ATP8A2: variants seen among roughly 807,000 people sequenced by gnomAD.
ATP8A2 encodes the protein ATPase phospholipid transporting 8A2.
A neutral mutation model predicts 165.6 loss-of-function variants in ATP8A2; 100 were observed. The ratio of observed to expected loss-of-function variants is 0.60; its 90% CI spans 0.51 to 0.71. The LOEUF (loss-of-function observed/expected upper bound fraction) is 0.71. Ranked by LOEUF, ATP8A2 falls within the 30% of genes least tolerant of loss-of-function variation. The pLI, the probability that ATP8A2 is intolerant of heterozygous loss-of-function variation, is 0.00. For missense variants in ATP8A2, 1,227 were observed against 1,479.5 expected, an observed-to-expected ratio of 0.83 and a Z score of 2.80; for synonymous variants, 543 against 548.8, an observed-to-expected ratio of 0.99 and a Z score of 0.15.
At chr13:25,384,054 C>T (rs955763206) in intron 1 of ATP8A2, among the ~76,000 whole-genome samples, 8 of 152,142 alleles carry the variant, frequency 5.3e-5, no homozygotes, top group Admixed American at 2.0e-4. Flanking sequence ...TCCCTAAAAA[C>T]GCTTTCATGT....
At chr13:25,426,931 A>G (rs143900304) in intron 1 of ATP8A2, among the ~76,000 whole-genome samples, 3,330 of 152,204 alleles carry the variant, frequency 0.022, 124 homozygotes, top group African/African-American at 0.075. Flanking sequence ...GGGTGACAGA[A>G]CCAGACTCCC....
At chr13:25,623,570 A>G (rs1456387487) in intron 24 of ATP8A2, among the ~76,000 whole-genome samples, 2 of 152,196 alleles carry the variant, frequency 1.3e-5, no homozygotes, top group South Asian at 4.1e-4. Flanking sequence ...ATCACCAAAT[A>G]CGTGTTTTGA....
chr13:25,824,430 A>T (rs1216877409), intron 27 of ATP8A2, among the ~76,000 whole-genome samples: 4 of 152,208 alleles, frequency 2.6e-5, no homozygotes, highest in African/African-American at 4.8e-5. Flanking sequence ...AGTCTCACCA[A>T]GAATGTTTGA....
intron 27 of ATP8A2, among the ~76,000 whole-genome samples, chr13:25,804,619 C>T (rs1237875309): frequency 1.3e-5 from 2 of 152,254 alleles, no homozygotes; most frequent in Non-Finnish European, 2.9e-5. Flanking sequence ...ATAGAAGTGT[C>T]TTTAAAGATG....
At chr13:25,880,026 G>T (rs998557312) in intron 33 of ATP8A2, among the ~76,000 whole-genome samples, 4 of 152,212 alleles carry the variant, frequency 2.6e-5, no homozygotes, top group African/African-American at 9.6e-5. Context: ...AAAAAGGTAG[G>T]TGGTGAAGAA....
At chr13:25,519,451 T>C (rs9581369) in intron 2 of ATP8A2, among the ~76,000 whole-genome samples, 9,027 of 152,160 alleles carry the variant, frequency 0.059, 338 homozygotes, top group South Asian at 0.13. Context: ...TGGTTCCCTT[T>C]AGTATCTCCG....
intron 25 of ATP8A2, among the ~76,000 whole-genome samples, chr13:25,753,485 T>C (rs1190781181): frequency 6.6e-6 from 1 of 152,218 alleles, no homozygotes; most frequent in Admixed American, 6.5e-5. Flanking sequence ...AATCTCATTC[T>C]AGTGCGGTAG....
chr13:25,867,514 G>T (rs1227569461), intron 33 of ATP8A2, among the ~76,000 whole-genome samples: 1 of 152,134 alleles, frequency 6.6e-6, no homozygotes, highest in South Asian at 2.1e-4. Flanking sequence ...GGTCAGGAGA[G>T]GACTTGTTTT....
intron 2 of ATP8A2, among the ~76,000 whole-genome samples, chr13:25,492,537 G>A (rs957910439): frequency 1.3e-5 from 2 of 152,170 alleles, no homozygotes; most frequent in Non-Finnish European, 2.9e-5. Flanking sequence ...ATCACAAGAT[G>A]CCCAGCCTTG....
chr13:25,374,263 G>A (rs1379522801), intron 1 of ATP8A2, among the ~76,000 whole-genome samples: 2 of 152,210 alleles, frequency 1.3e-5, no homozygotes, highest in Middle Eastern at 3.2e-3. Flanking sequence ...TAAAGATGAG[G>A]CTGGAGAACT....
intron 2 of ATP8A2, among the ~76,000 whole-genome samples, chr13:25,476,347 G>A (rs1018592294): frequency 6.6e-6 from 1 of 151,380 alleles, no homozygotes; most frequent in Admixed American, 6.6e-5. Flanking sequence ...GTGCAGTGGC[G>A]CGAACTCCAC....
intron 1 of ATP8A2, among the ~76,000 whole-genome samples, chr13:25,438,254 A>G (rs534401259): frequency 6.6e-6 from 1 of 152,312 alleles, no homozygotes; most frequent in East Asian, 1.9e-4. Flanking sequence ...TATTTTCAAA[A>G]AAGCTTTAAA....
intron 27 of ATP8A2, among the ~76,000 whole-genome samples, chr13:25,804,520 T>C (rs1950688381): frequency 6.6e-6 from 1 of 152,210 alleles, no homozygotes; most frequent in Admixed American, 6.5e-5. Context: ...AAACAATTGT[T>C]TCTACACGTA....
chr13:25,694,354 C>A (rs2042791082), intron 24 of ATP8A2, among the ~76,000 whole-genome samples: 1 of 152,200 alleles, frequency 6.6e-6, no homozygotes. Flanking sequence ...CTGAGCTAGA[C>A]TGGGCCTCTA....
At chr13:25,598,148 A>ACCTG (rs1301345249) in intron 24 of ATP8A2, among the ~76,000 whole-genome samples, 1 of 152,140 alleles carries the variant, frequency 6.6e-6, no homozygotes, top group Non-Finnish European at 1.5e-5. Context: ...TCATTGAAAT[A>ACCTG]CCTGTGCTTT....
chr13:25,705,563 C>A (rs979240252), intron 25 of ATP8A2, among the ~76,000 whole-genome samples: 3 of 152,126 alleles, frequency 2.0e-5, no homozygotes, highest in Non-Finnish European at 2.9e-5. Flanking sequence ...CATGTATAAG[C>A]CTGCTGTGAT....
At chr13:25,684,638 C>T (rs537486092) in intron 24 of ATP8A2, among the ~76,000 whole-genome samples, 17 of 152,260 alleles carry the variant, frequency 1.1e-4, no homozygotes, top group South Asian at 2.1e-4. Flanking sequence ...TCAGGAGTCT[C>T]GGATGAATCA....
intron 1 of ATP8A2, among the ~76,000 whole-genome samples, chr13:25,395,538 A>G (rs1013809506): frequency 5.3e-5 from 8 of 152,200 alleles, no homozygotes; most frequent in Non-Finnish European, 1.0e-4. Flanking sequence ...GTCCATTTTT[A>G]TGCTTAGGTT....
At chr13:25,635,404 G>A (rs1475326601) in intron 24 of ATP8A2, among the ~76,000 whole-genome samples, 1 of 152,172 alleles carries the variant, frequency 6.6e-6, no homozygotes, top group Non-Finnish European at 1.5e-5. Flanking sequence ...GTAAATGAAT[G>A]TCCCATGTGA....
Sources: allele counts gnomAD v4.1 joint callset (sites outside exome capture counted in the v4.1 genomes callset), GRCh38; gene constraint gnomAD v4.1.1; transcripts MANE v1.5; gene names NCBI Gene and HGNC (gene_info 2026-07-23, HGNC 2026-07-21).